MYO1C: variants seen among roughly 807,000 people sequenced by gnomAD.
MYO1C encodes the protein unconventional myosin-Ic.
In MYO1C, 104 loss-of-function variants were observed where a neutral mutation model predicts 150.8. The observed-to-expected ratio is 0.69, with a 90% CI of 0.59 to 0.81. The LOEUF (loss-of-function observed/expected upper bound fraction) is 0.81, where lower values mean the gene tolerates loss of function less well. Ranked by LOEUF, MYO1C falls within the 30% of genes least tolerant of loss-of-function variation. The pLI, the probability that MYO1C is intolerant of heterozygous loss-of-function variation, is 0.00. For missense variants in MYO1C, 1,504 were observed against 1,435.0 expected, an observed-to-expected ratio of 1.05 and a Z score of -0.78; for synonymous variants, 663 against 579.9, an observed-to-expected ratio of 1.14 and a Z score of -2.06.
At position 1,479,581 on chromosome 17, in the gene MYO1C, G is replaced by A. The variant is rs781713545; in HGVS notation, c.1020+11C>T. 1.0e-5 allele frequency: 10 copies of A among 961,476 alleles called. No individual in the cohort carries two copies. The highest frequency in any genetic ancestry group is 2.2e-4 in the Middle Eastern group (1 of 4,460). The allele number at this position is 961,476 out of a possible 1,614,324, so 59.6% of individuals were successfully genotyped here. On this transcript the variant is annotated intron_variant, in intron 8 of 31. Transcript: ENST00000648651. The surrounding 1 kb of genome is among the most constrained non-coding windows in gnomAD (Gnocchi z 4.2). ...GCCGTCCTCCCGTCGCCCTCTGCCC[G>A]CCCCACTCACCCTGGTCAGATACTT...
In MYO1C at chr17:1,477,901, A is replaced by T. The variant is rs774410381; in HGVS notation, c.1472T>A (p.Ile491Asn). 3.7e-6 allele frequency: 6 copies of T among 1,614,076 alleles called. No homozygotes were observed. The highest frequency in any genetic ancestry group is 3.3e-5 in the South Asian group (3 of 91,080). The change falls in exon 13 of 32, where the codon ATC (isoleucine) becomes AAC (asparagine). Residue 491 changes from isoleucine to asparagine, a missense_variant. Transcript: ENST00000648651. ...DLVEEKFKGI[I>N]SILDEECLRP... Reference sequence around the variant, plus strand: ...GCGCAGAGGACTCACCAAAATCGAGATGATGCCCTTAAACTTCTCCTCCAC... The same window carrying T: ...GCGCAGAGGACTCACCAAAATCGAGTTGATGCCCTTAAACTTCTCCTCCAC...
rs1455916704 is a variant in MYO1C at position 1,470,177 on chromosome 17, C to T, written c.2524G>A (p.Glu842Lys). Residue 842 changes from glutamate (E) to lysine (K), a missense_variant and splice_region_variant, in exon 24 of 32, where the codon GAG (glutamate) becomes AAG (lysine). Transcript: ENST00000648651. Reference sequence around the variant, plus strand: ...CTTGGCAGGGGGTGCCCACAGACCTCACGCAGGGCAGGTGGGGGCGTGGGC... The same window carrying T: ...CTTGGCAGGGGGTGCCCACAGACCTTACGCAGGGCAGGTGGGGGCGTGGGC... ...SWPTPPPALREASELLRELCI... is the reference protein window; with the variant it reads ...SWPTPPPALRKASELLRELCI... The T allele has an allele frequency of 2.5e-6, 4 of 1,609,002 alleles. No individual in the cohort carries two copies. Among genetic ancestry groups the T allele is most frequent in the East Asian group, 4.5e-5 (2 of 44,856 alleles).
At chr17:1,472,304 C>T in intron 17 of MYO1C, 76 bp from the exon 18 acceptor site, 1 of 1,321,940 alleles carries the variant, frequency 7.6e-7, no homozygotes, top group East Asian at 2.3e-5. Flanking sequence ...GTACCCCACT[C>T]CCCTGGCTGG....
intron 1 of MYO1C, chr17:1,485,449 C>T: frequency 1.3e-6 from 1 of 767,392 alleles, no homozygotes; most frequent in Non-Finnish European, 1.7e-6. Context: ...GGTCCCCGCC[C>T]CCTCGCCCTC....
In MYO1C at chr17:1,482,909, G is replaced by A. The variant is rs780870025; in HGVS notation, c.498C>T (p.Arg166=). ...GCAGCCGGTCCCGCACGGCACCTCC[G>A]CGCTCGGGGGCTGGGCAGGTCTCTG... ...FYAETCPAPE[R]GGAVRDRLLQ... is the part of the protein sequence containing the mutation. The change falls in exon 4 of 32, where the codon CGC becomes CGT. Residue 166 remains arginine (R), a synonymous_variant. Coordinates refer to ENST00000648651, the MANE Select transcript of MYO1C (RefSeq NM_001080779.2). 80 of 1,556,326 alleles carry A rather than the reference G, an allele frequency of 5.1e-5. 1 individual carries two copies. Among genetic ancestry groups the A allele is most frequent in the South Asian group, 3.0e-4 (27 of 89,268 alleles).
intron 1 of MYO1C, among the ~76,000 whole-genome samples, chr17:1,489,439 C>G (rs2074705105): frequency 6.6e-6 from 1 of 152,170 alleles, no homozygotes; most frequent in African/African-American, 2.4e-5. Flanking sequence ...CTTTGAGAGG[C>G]CGAGGTGGGA....
intron 14 of MYO1C, among the ~76,000 whole-genome samples, chr17:1,476,274 G>T (rs1344966147): frequency 6.6e-6 from 1 of 151,938 alleles, no homozygotes; most frequent in Non-Finnish European, 1.5e-5. Flanking sequence ...CGCCCCCCAG[G>T]TTCAAGCAAT....
In MYO1C at chr17:1,470,651, G is replaced by A. The variant is rs150948604; in HGVS notation, c.2251C>T (p.Arg751Trp). ...CTCTTCACCCGGAGGAATTTCTGCCGCCAGTGAAAGCCCCTCCAGGCAGCT... is the reference window on the plus strand; with the variant it reads ...CTCTTCACCCGGAGGAATTTCTGCCACCAGTGAAAGCCCCTCCAGGCAGCT... ...IQAAWRGFHW[R>W]QKFLRVKRSA... Residue 751 changes from arginine to tryptophan, a missense_variant, in exon 22 of 32, where the codon CGG (arginine) becomes TGG (tryptophan). Physicochemically the swap from Arg to Trp is moderately radical, Grantham distance 101. Transcript: ENST00000648651. The A allele has an allele frequency of 2.1e-3, 3,452 of 1,609,700 alleles. 11 individuals are homozygous for A. The highest frequency in any genetic ancestry group is 4.1e-3 in the South Asian group (373 of 90,846).
chr17:1,478,534 TG>T lies in MYO1C; in HGVS notation c.1213-43del, dbSNP rs2074447222. The T allele has an allele frequency of 6.2e-7, 1 of 1,613,576 alleles. No homozygotes were observed. The highest frequency in any genetic ancestry group is 1.7e-5 in the Admixed American group (1 of 59,986). On this transcript the variant is annotated intron_variant, in intron 10 of 31. Coordinates refer to ENST00000648651, the MANE Select transcript of MYO1C (RefSeq NM_001080779.2). The surrounding 1 kb of genome is among the most constrained non-coding windows in gnomAD (Gnocchi z 6.3). Reference sequence around the variant, plus strand: ...ACCGAAGGCGTGGGCCCCCTGCGCGTGCCAGCCCCACCCTGCAGCACCCCCC... The same window carrying T: ...ACCGAAGGCGTGGGCCCCCTGCGCGTCCAGCCCCACCCTGCAGCACCCCCC...
Position 1,479,330 on chromosome 17 carries a change from T to C in MYO1C, c.1092+101A>G. The C allele has an allele frequency of 1.3e-6, 1 of 760,472 alleles. No homozygotes were observed. Among genetic ancestry groups the C allele is most frequent in the Non-Finnish European group, 2.3e-6 (1 of 440,982 alleles). 47.1% of individuals were successfully genotyped at this position (760,472 alleles called of 1,614,324 possible). On this transcript the variant is annotated intron_variant, in intron 9 of 31. Transcript: ENST00000648651. The surrounding 1 kb of genome is among the most constrained non-coding windows in gnomAD (Gnocchi z 4.2). ...CTCTGAGCAGCCTTCCTTCCATCCC[T>C]CCAGCATTGCTGAGGGAACCAGGCG...
At chr17:1,471,459 C>G (rs959164687) in intron 19 of MYO1C, 123 bp from the exon 20 acceptor site, 2 of 762,762 alleles carry the variant, frequency 2.6e-6, no homozygotes, top group East Asian at 5.3e-5. Flanking sequence ...GCAGGAGGCT[C>G]ACTCGGTCAC....
At chr17:1,475,794 C>G (rs2074393338) in intron 14 of MYO1C, among the ~76,000 whole-genome samples, 1 of 152,130 alleles carries the variant, frequency 6.6e-6, no homozygotes, top group Non-Finnish European at 1.5e-5. Flanking sequence ...GTGATTCCAG[C>G]AGAAACCTGG....
At chr17:1,485,231 G>A in intron 1 of MYO1C, 1 of 1,166,330 alleles carries the variant, frequency 8.6e-7, no homozygotes. Context: ...CTTCAAACAG[G>A]GTCTCAGGGC....
At chr17:1,471,759 G>T in intron 19 of MYO1C, 148 bp downstream of exon 19, 1 of 858,344 alleles carries the variant, frequency 1.2e-6, no homozygotes, top group Non-Finnish European at 1.9e-6. Flanking sequence ...CAGGACCGCA[G>T]CACCAAGGGC....
At chr17:1,484,438 G>T in intron 1 of MYO1C, 135 bp from the exon 2 acceptor site, 1 of 1,106,208 alleles carries the variant, frequency 9.0e-7, no homozygotes, top group Non-Finnish European at 1.3e-6. Flanking sequence ...GAGCATGACG[G>T]GTGCGGGGGG....
intron 6 of MYO1C, 36 bp from the exon 7 acceptor site, chr17:1,480,661 C>T (rs775279577): frequency 3.1e-6 from 5 of 1,614,012 alleles, no homozygotes; most frequent in African/African-American, 1.3e-5. Context: ...CCAGCCCTGG[C>T]ACCAGATCCC....
In MYO1C at chr17:1,483,030, G is replaced by C; in HGVS notation, c.377C>G (p.Ala126Gly). 1 of 1,611,178 alleles carries C rather than the reference G, an allele frequency of 6.2e-7. No individual in the cohort carries two copies. The highest frequency in any genetic ancestry group is 8.5e-7 in the Non-Finnish European group (1 of 1,179,726). The change falls in exon 4 of 32, where the codon GCA becomes GGA. Residue 126 changes from alanine to glycine, a missense_variant. Transcript: ENST00000648651. ...CTGGTCCCGACGCTCCGTGCGCAGT[G>C]CTCGGTACACAGTGTCCGCCACGGC... is the stretch of plus-strand genomic sequence containing the variant. ...LFAVADTVYR[A>G]LRTERRDQAV...
chr17:1,485,002 G>T, intron 1 of MYO1C: 2 of 825,026 alleles, frequency 2.4e-6, no homozygotes, highest in Non-Finnish European at 3.5e-6. Flanking sequence ...ACCCACTCCA[G>T]AACGCGGGGG....
At chr17:1,475,623 C>T (rs1181099464) in intron 14 of MYO1C, among the ~76,000 whole-genome samples, 1 of 152,230 alleles carries the variant, frequency 6.6e-6, no homozygotes, top group East Asian at 1.9e-4. Context: ...GGGTGGTGAG[C>T]TGCGCACTAC....
Sources: gnomAD v4.1 joint callset for allele counts (sites outside exome capture counted in the v4.1 genomes callset) on GRCh38, gnomAD v4.1.1 for gene constraint, Gnocchi (gnomAD v3.1) non-coding constraint, MANE v1.5 for transcripts, NCBI Gene and HGNC (gene_info 2026-07-23, HGNC 2026-07-21) for gene names.